BANP: variants seen among roughly 807,000 people sequenced by gnomAD.
The protein encoded by BANP is BTG3 associated nuclear protein.
BANP carries 11 observed loss-of-function variants against 68.1 expected under a neutral mutation model. The observed-to-expected ratio is 0.16, with a 90% CI of 0.10 to 0.27. The LOEUF (loss-of-function observed/expected upper bound fraction) is 0.27, where lower values mean the gene tolerates loss of function less well. Among genes scored for constraint, BANP ranks in the 10% least tolerant of loss-of-function variants. BANP has a pLI of 1.00. For synonymous variants in BANP, 329 were observed against 303.2 expected (o/e 1.09, Z -0.88); for missense variants, 504 against 722.7 (o/e 0.70, Z 3.47).
chr16:87,994,502 C>T (rs918299006), intron 4 of BANP, among the ~76,000 whole-genome samples: 5 of 152,204 alleles, frequency 3.3e-5, no homozygotes, highest in Admixed American at 1.3e-4. Context: ...AGGTTAGTCC[C>T]GCTTCTCTGG....
chr16:87,963,453 T>C (rs1054269551), intron 1 of BANP: 2 of 152,274 alleles, frequency 1.3e-5, no homozygotes, highest in Non-Finnish European at 2.9e-5. Flanking sequence ...CTTTTTAGAC[T>C]GGCCGCTCTG....
chr16:87,995,353 T>C lies in BANP; in HGVS notation c.363-8942T>C, dbSNP rs112311984. ...TACATTACGTCAAACCAGTTTCTTC[T>C]TTTATTTGGCCCCGGTCCTTGTGTG... On this transcript the variant is annotated intron_variant, in intron 4 of 13. Coordinates refer to ENST00000682872, the MANE Select transcript of BANP (RefSeq NM_001386991.1). 5.5e-3 allele frequency among the ~76,000 whole-genome samples: 831 copies of C among 152,324 alleles called. 10 individuals are homozygous for C. The highest frequency in any genetic ancestry group is 0.018 in the African/African-American group (765 of 41,560).
chr16:88,014,770 C>T (rs1301675259), intron 6 of BANP, among the ~76,000 whole-genome samples: 4 of 152,004 alleles, frequency 2.6e-5, no homozygotes, highest in Admixed American at 2.0e-4. Flanking sequence ...TGCTGCCCTT[C>T]CTGCTGCCTG....
chr16:88,048,984 C>G (rs980546622), intron 11 of BANP, among the ~76,000 whole-genome samples: 1 of 152,142 alleles, frequency 6.6e-6, no homozygotes, highest in African/African-American at 2.4e-5. Context: ...GCTCTGCAGA[C>G]CACATGTTTC....
chr16:87,969,651 G>T (rs1212063412), intron 1 of BANP, among the ~76,000 whole-genome samples: 1 of 151,108 alleles, frequency 6.6e-6, no homozygotes, highest in African/African-American at 2.4e-5. Flanking sequence ...TCCTGCCTCA[G>T]CCTCCTCAGT....
intron 1 of BANP, among the ~76,000 whole-genome samples, chr16:87,958,100 G>A (rs543890884): frequency 6.6e-6 from 1 of 152,294 alleles, no homozygotes; most frequent in Admixed American, 6.5e-5. Context: ...TGCAATAATT[G>A]GCCTGTTGTC....
intron 6 of BANP, among the ~76,000 whole-genome samples, chr16:88,006,678 G>T (rs1318675210): frequency 6.6e-6 from 1 of 151,314 alleles, no homozygotes; most frequent in Non-Finnish European, 1.5e-5. Flanking sequence ...TATAGGACAG[G>T]CTCAGTGGCT....
chr16:88,041,047 C>T (rs1480223835), intron 11 of BANP, among the ~76,000 whole-genome samples: 4 of 150,888 alleles, frequency 2.7e-5, no homozygotes, highest in Admixed American at 7.0e-5. Flanking sequence ...GGGGCTGGGG[C>T]CTGTGCCCTG....
chr16:87,975,379 C>T (rs776479154), intron 2 of BANP, among the ~76,000 whole-genome samples, 194 bp downstream of exon 2: 3 of 152,236 alleles, frequency 2.0e-5, no homozygotes, highest in African/African-American at 4.8e-5. Flanking sequence ...GCCCCACGTC[C>T]CTTCTGGAGG....
chr16:88,068,754 C>T (rs528062294), intron 12 of BANP, among the ~76,000 whole-genome samples: 3 of 152,314 alleles, frequency 2.0e-5, no homozygotes, highest in African/African-American at 7.2e-5. Context: ...TTTCCAAGTG[C>T]AGCCTTGCCC....
intron 2 of BANP, chr16:87,978,404 A>G (rs2062601205): frequency 3.3e-6 from 1 of 299,140 alleles, no homozygotes; most frequent in Non-Finnish European, 6.8e-6. Context: ...AAAAGGTTAG[A>G]GTAATGAGTA....
chr16:87,988,298 C>G (rs2152483258), intron 4 of BANP, among the ~76,000 whole-genome samples: 1 of 152,260 alleles, frequency 6.6e-6, no homozygotes, highest in Middle Eastern at 3.4e-3. Flanking sequence ...GAGTCTCGCT[C>G]TGTTGCCCAG....
At chr16:88,029,139 T>G (rs78407901) in intron 8 of BANP, among the ~76,000 whole-genome samples, 44,047 of 151,268 alleles carry the variant, frequency 0.29, 7,046 homozygotes, top group East Asian at 0.58. Context: ...AAACCCCGTC[T>G]CTACTAAAAA....
chr16:87,967,646 G>C (rs570093289), intron 1 of BANP, among the ~76,000 whole-genome samples: 6 of 137,876 alleles, frequency 4.4e-5, no homozygotes, highest in Admixed American at 7.5e-5. Flanking sequence ...TTTTGAGATG[G>C]AGTCTCACTC....
rs914015745 is a variant in BANP at position 88,013,134 on chromosome 16, ACT to A, written c.656-5290_656-5289del. On this transcript the variant is annotated intron_variant, in intron 6 of 13. Coordinates refer to ENST00000682872, the MANE Select transcript of BANP (RefSeq NM_001386991.1). ...AATCACTGGTTGTTAATAGGCAGGG[ACT>A]CTCATGGCCTAGAGCGTTTGCCTCC... Among the ~76,000 whole-genome samples, 30 of 152,150 alleles carry A rather than the reference ACT, an allele frequency of 2.0e-4. No individual in the cohort carries two copies. The East Asian group carries it at 4.6e-3, about 24-fold the overall frequency.
chr16:88,067,781 G>C (rs1216196004), intron 12 of BANP, among the ~76,000 whole-genome samples: 1 of 152,088 alleles, frequency 6.6e-6, no homozygotes, highest in African/African-American at 2.4e-5. Context: ...CTCCACCCCA[G>C]GGTAAACCCC....
intron 4 of BANP, among the ~76,000 whole-genome samples, chr16:87,984,918 C>A (rs952256418): frequency 1.3e-5 from 2 of 152,226 alleles, no homozygotes; most frequent in Non-Finnish European, 2.9e-5. Context: ...CACGGCACGG[C>A]TTTGTGCTTG....
rs562127868 is a variant in BANP at position 88,027,000 on chromosome 16, G to T, written c.896-483G>T. On this transcript the variant is annotated intron_variant, in intron 7 of 13. Transcript: ENST00000682872. ...GTTATCCAGGGGGATGGTGAAGCCAGGACATGAAGGAAGGGAAGGCGGTGG... is the reference window on the plus strand; with the variant it reads ...GTTATCCAGGGGGATGGTGAAGCCATGACATGAAGGAAGGGAAGGCGGTGG... Among the ~76,000 whole-genome samples, 7 of 152,370 alleles carry T rather than the reference G, an allele frequency of 4.6e-5. 1 individual carries two copies. In the South Asian group the frequency reaches 1.2e-3, roughly 27 times the overall value.
chr16:88,074,752 C>T (rs1394672880), intron 13 of BANP, among the ~76,000 whole-genome samples: 3 of 152,184 alleles, frequency 2.0e-5, no homozygotes, highest in Non-Finnish European at 4.4e-5. Flanking sequence ...TGTGGCTCCT[C>T]CATTCCAGCT....
Sources: gnomAD v4.1 joint callset for allele counts (sites outside exome capture counted in the v4.1 genomes callset) on GRCh38, gnomAD v4.1.1 for gene constraint, MANE v1.5 for transcripts, NCBI Gene and HGNC (gene_info 2026-07-23, HGNC 2026-07-21) for gene names.